The following RORB variants were observed in gnomAD, a reference collection of about 807,000 sequenced individuals.
RORB encodes RAR related orphan receptor B, also known as nuclear receptor ROR-beta.
RORB carries 6 observed loss-of-function variants against 59.1 expected under a neutral mutation model. The observed-to-expected ratio is 0.10, with a 90% CI of 0.06 to 0.20. RORB has a LOEUF of 0.20. Ranked by LOEUF, RORB falls within the 10% of genes least tolerant of loss-of-function variation. The pLI is 1.00. For synonymous variants in RORB, 215 were observed against 204.5 expected, an observed-to-expected ratio of 1.05 and a Z score of -0.44; for missense variants, 320 against 560.5, an observed-to-expected ratio of 0.57 and a Z score of 4.33.
chr9:74,649,481 T>C (rs1009838096), intron 4 of RORB, among the ~76,000 whole-genome samples: 14 of 152,316 alleles, frequency 9.2e-5, no homozygotes, highest in Non-Finnish European at 2.9e-5. Context: ...GTTACATCTA[T>C]AGTATTAACC....
At chr9:74,637,405 T>G (rs997614412) in intron 3 of RORB, among the ~76,000 whole-genome samples, 1 of 152,202 alleles carries the variant, frequency 6.6e-6, no homozygotes, top group African/African-American at 2.4e-5. Flanking sequence ...GCCATCAAAT[T>G]TATCAATAAT....
At chr9:74,683,862 A>G (rs569471961) in intron 9 of RORB, among the ~76,000 whole-genome samples, 4 of 152,274 alleles carry the variant, frequency 2.6e-5, no homozygotes, top group African/African-American at 9.6e-5. Flanking sequence ...CAAGAGTCAT[A>G]ATGTTTTGTG....
chr9:74,627,650 C>A (rs949653224), intron 1 of RORB, among the ~76,000 whole-genome samples: 8 of 152,084 alleles, frequency 5.3e-5, no homozygotes, highest in Non-Finnish European at 1.2e-4. Flanking sequence ...ATTCTCCCCA[C>A]GTGTAAGCTA....
rs541110439 is a variant in RORB, at chr9:74,667,035, T to A, written c.1001-756T>A. On this transcript the variant is annotated intron_variant, in intron 7 of 9. Transcript: ENST00000376896. The stretch of plus-strand genomic sequence containing the variant: ...GGCTGGCAATGTTTCCCTTCTACAG[T>A]TGATACACATCCATGTCATCTCCAA... Among the ~76,000 whole-genome samples, 3 of 152,332 alleles carry A rather than the reference T, an allele frequency of 2.0e-5. No homozygotes were observed. In the South Asian group the frequency reaches 6.2e-4, roughly 32 times the overall value.
chr9:74,680,733 A>T (rs563525812), intron 9 of RORB, among the ~76,000 whole-genome samples: 1 of 152,206 alleles, frequency 6.6e-6, no homozygotes, highest in African/African-American at 2.4e-5. Flanking sequence ...GCTTCACTTT[A>T]TGTGCCCTGT....
intron 1 of RORB, among the ~76,000 whole-genome samples, chr9:74,512,807 T>A (rs1290311901): frequency 2.0e-5 from 3 of 152,128 alleles, no homozygotes; most frequent in South Asian, 2.1e-4. Context: ...GCCTCCCCCT[T>A]TACAATAATC....
chr9:74,524,849 A>T lies in RORB; in HGVS notation c.7+26866A>T, dbSNP rs1042154913. ...TGGTTTTTCTTTAAATTTGTTAAAAATTTTTTGAAAAATATGTCTTTGATT... is the reference window on the plus strand; with the variant it reads ...TGGTTTTTCTTTAAATTTGTTAAAATTTTTTTGAAAAATATGTCTTTGATT... On this transcript the variant is annotated intron_variant, in intron 1 of 9. Coordinates refer to ENST00000376896, the MANE Select transcript of RORB (RefSeq NM_006914.4). 2.6e-5 allele frequency among the ~76,000 whole-genome samples: 4 copies of T among 151,848 alleles called. No individual in the cohort carries two copies. The East Asian group carries it at 5.8e-4, about 22-fold the overall frequency.
intron 5 of RORB, 73 bp downstream of exon 5, chr9:74,660,811 G>A (rs1472927917): frequency 5.4e-6 from 8 of 1,486,876 alleles, no homozygotes; most frequent in Non-Finnish European, 7.3e-6. Context: ...CAGCACTATT[G>A]GCATGTTGCA....
intron 1 of RORB, among the ~76,000 whole-genome samples, chr9:74,612,561 G>A (rs1823247472): frequency 2.0e-5 from 3 of 152,146 alleles, no homozygotes; most frequent in Admixed American, 2.0e-4. Context: ...TTTGTTTCTA[G>A]GCGACAAGCA....
intron 1 of RORB, among the ~76,000 whole-genome samples, chr9:74,613,190 A>G (rs1332083222): frequency 2.6e-5 from 4 of 152,250 alleles, no homozygotes; most frequent in African/African-American, 9.6e-5. Context: ...AGTGTGTTTC[A>G]GACACAATAT....
At chr9:74,554,925 G>A (rs768200887) in intron 1 of RORB, among the ~76,000 whole-genome samples, 2 of 152,170 alleles carry the variant, frequency 1.3e-5, no homozygotes, top group Non-Finnish European at 2.9e-5. Flanking sequence ...CAGTGGTTGG[G>A]TGGTGTTTCT....
At chr9:74,551,068 C>T (rs887784635) in intron 1 of RORB, among the ~76,000 whole-genome samples, 6 of 151,998 alleles carry the variant, frequency 3.9e-5, no homozygotes, top group African/African-American at 1.2e-4. Flanking sequence ...GTAACATTTG[C>T]ATTCTATTCC....
At chr9:74,610,195 G>T (rs1451081102) in intron 1 of RORB, among the ~76,000 whole-genome samples, 1 of 152,070 alleles carries the variant, frequency 6.6e-6, no homozygotes. Flanking sequence ...TAAAGATCTT[G>T]GTATCTTCTG....
rs1456044615 is a variant in RORB, at chr9:74,687,801, C to G, written c.*2183C>G. On this transcript the variant is annotated 3_prime_UTR_variant, in exon 10 of 10. Transcript: ENST00000376896. ...GGAAAACAGGGTAATGGAAGGCACT[C>G]AATTAAACCAAGCCGTTTCCAAATG... The G allele has an allele frequency of 6.6e-6, 1 of 152,134 alleles. No individual in the cohort carries two copies. The highest frequency in any genetic ancestry group is 1.5e-5 in the Non-Finnish European group (1 of 68,028). The allele number at this position is 152,134 out of a possible 1,614,324, so 9.4% of individuals were successfully genotyped here. A position where few individuals can be genotyped will look rare whatever the true frequency, so the allele number is the denominator to read the frequency against.
chr9:74,662,628 A>T (rs750318639), intron 6 of RORB, 22 bp downstream of exon 6: 6 of 1,610,964 alleles, frequency 3.7e-6, no homozygotes, highest in Non-Finnish European at 5.1e-6. Context: ...GATTCATGGG[A>T]GGCCTATTTC....
intron 1 of RORB, among the ~76,000 whole-genome samples, chr9:74,609,904 A>G (rs1323882812): frequency 6.6e-6 from 1 of 152,222 alleles, no homozygotes; most frequent in Non-Finnish European, 1.5e-5. Flanking sequence ...TCTAGTGGAT[A>G]GAGGCCAAGG....
Position 74,497,771 on chromosome 9 carries a change from C to T in RORB, c.-206C>T. On this transcript the variant is annotated 5_prime_UTR_variant, in exon 1 of 10. Transcript: ENST00000376896. ...AACAAACAATCATCAAAACAGTCACCACCAACATCAAAACTGTTAACATAG... is the reference window on the plus strand; with the variant it reads ...AACAAACAATCATCAAAACAGTCACTACCAACATCAAAACTGTTAACATAG... The T allele has an allele frequency of 1.8e-6, 1 of 570,962 alleles. No homozygotes were observed. Among genetic ancestry groups the T allele is most frequent in the East Asian group, 2.8e-5 (1 of 35,498 alleles). The allele number at this position is 570,962 out of a possible 1,614,324, so 35.4% of individuals were successfully genotyped here.
At chr9:74,675,235 T>A (rs1477343980) in intron 9 of RORB, among the ~76,000 whole-genome samples, 1 of 151,602 alleles carries the variant, frequency 6.6e-6, no homozygotes, top group African/African-American at 2.4e-5. Context: ...TAGTTAGATT[T>A]GGCTGGATCC....
Position 74,688,040 on chromosome 9 carries a change from A to T in RORB, c.*2422A>T, listed in dbSNP as rs1824674933. 1 of 152,204 alleles carries T rather than the reference A, an allele frequency of 6.6e-6. No individual in the cohort carries two copies. Among genetic ancestry groups the T allele is most frequent in the African/African-American group, 2.4e-5 (1 of 41,448 alleles). 9.4% of individuals were successfully genotyped at this position (152,204 alleles called of 1,614,324 possible). On this transcript the variant is annotated 3_prime_UTR_variant, in exon 10 of 10. Coordinates refer to ENST00000376896, the MANE Select transcript of RORB (RefSeq NM_006914.4). The stretch of plus-strand genomic sequence containing the variant: ...AGGATTTAAATTGGCTCAATTGATG[A>T]AGTGGCTCAGAATTTTTTCCTCCCT...
Sources: allele counts gnomAD v4.1 joint callset (sites outside exome capture counted in the v4.1 genomes callset), GRCh38; gene constraint gnomAD v4.1.1; transcripts MANE v1.5; gene names NCBI Gene and HGNC (gene_info 2026-07-23, HGNC 2026-07-21).